Variants in RAPGEF4 observed in about 807,000 individuals in gnomAD.
The protein encoded by RAPGEF4 is RAP guanine-nucleotide-exchange factor (GEF) 4.
A neutral mutation model predicts 147.9 loss-of-function variants in RAPGEF4; 66 were observed. The observed-to-expected ratio is 0.45, with a 90% CI of 0.37 to 0.55. RAPGEF4 has a LOEUF of 0.55. Among genes scored for constraint, RAPGEF4 ranks in the 20% least tolerant of loss-of-function variants. The pLI is 0.00. For synonymous variants in RAPGEF4, 419 were observed against 442.7 expected (o/e 0.95, Z 0.67); for missense variants, 1,071 against 1,257.3 (o/e 0.85, Z 2.24).
intron 3 of RAPGEF4, among the ~76,000 whole-genome samples, chr2:172,804,730 G>A (rs890312921): frequency 2.6e-5 from 4 of 152,154 alleles, no homozygotes; most frequent in African/African-American, 9.7e-5. Context: ...GGTGGAGAGG[G>A]GTGATGGGGA....
chr2:172,913,349 G>A (rs1683665693), intron 4 of RAPGEF4, among the ~76,000 whole-genome samples: 1 of 152,204 alleles, frequency 6.6e-6, no homozygotes, highest in African/African-American at 2.4e-5. Context: ...AACAAACCAT[G>A]CCAAACTTAA....
chr2:172,772,782 T>C (rs1683757567), intron 1 of RAPGEF4, among the ~76,000 whole-genome samples: 1 of 152,262 alleles, frequency 6.6e-6, no homozygotes, highest in South Asian at 2.1e-4. Flanking sequence ...GTGGTTGCTG[T>C]GCTAAGGCTG....
At chr2:172,906,454 T>A (rs980035951) in intron 4 of RAPGEF4, among the ~76,000 whole-genome samples, 20 of 152,222 alleles carry the variant, frequency 1.3e-4, no homozygotes, top group African/African-American at 4.6e-4. Flanking sequence ...TTCCTGTTTT[T>A]AATGCTTTTC....
At chr2:172,804,413 G>C (rs1687278204) in intron 3 of RAPGEF4, among the ~76,000 whole-genome samples, 1 of 152,198 alleles carries the variant, frequency 6.6e-6, no homozygotes, top group African/African-American at 2.4e-5. Flanking sequence ...TATACCCAGA[G>C]CATGTAGTAG....
chr2:172,798,823 C>T (rs1209287132), intron 3 of RAPGEF4, among the ~76,000 whole-genome samples: 2 of 152,196 alleles, frequency 1.3e-5, no homozygotes, highest in African/African-American at 2.4e-5. Context: ...ATGTAGTTTC[C>T]TGGGTGATAC....
chr2:172,869,652 A>AATATTGCTG (rs1239824084), intron 4 of RAPGEF4, among the ~76,000 whole-genome samples: 3 of 152,168 alleles, frequency 2.0e-5, no homozygotes, highest in Non-Finnish European at 4.4e-5. Flanking sequence ...ACAACCATAC[A>AATATTGCTG]ATATTGCTGA....
chr2:173,037,148 C>T lies in RAPGEF4; in HGVS notation c.2853+456C>T, dbSNP rs563515943. ...GTGTACTGCTTACCCCAATAAAGTTCGCTCAAGTTCAGAGAAGGAACATGA... is the reference window on the plus strand; with the variant it reads ...GTGTACTGCTTACCCCAATAAAGTTTGCTCAAGTTCAGAGAAGGAACATGA... On this transcript the variant is annotated intron_variant, in intron 29 of 30. Coordinates refer to ENST00000397081, the MANE Select transcript of RAPGEF4 (RefSeq NM_007023.4). 3.5e-4 allele frequency among the ~76,000 whole-genome samples: 54 copies of T among 152,272 alleles called. 1 individual carries two copies. The highest frequency in any genetic ancestry group is 6.2e-4 in the South Asian group (3 of 4,812).
chr2:173,036,389 A>G (rs1684012245), intron 28 of RAPGEF4, among the ~76,000 whole-genome samples, 177 bp downstream of exon 28: 1 of 152,224 alleles, frequency 6.6e-6, no homozygotes, highest in South Asian at 2.1e-4. Flanking sequence ...TGACTGGAGG[A>G]GCAGAGATCC....
intron 1 of RAPGEF4, among the ~76,000 whole-genome samples, chr2:172,751,079 T>C (rs1695245145): frequency 1.3e-5 from 2 of 152,228 alleles, no homozygotes; most frequent in South Asian, 4.1e-4. Context: ...AAAAGTTCCA[T>C]ATTCAGTGTC....
intron 27 of RAPGEF4, among the ~76,000 whole-genome samples, chr2:173,035,216 A>C (rs1161893725): frequency 6.6e-6 from 1 of 151,798 alleles, no homozygotes; most frequent in Non-Finnish European, 1.5e-5. Flanking sequence ...TTTTTAAAAA[A>C]CAGGGGTCTC....
intron 10 of RAPGEF4, among the ~76,000 whole-genome samples, chr2:172,968,662 T>C (rs986912303): frequency 2.6e-5 from 4 of 152,138 alleles, no homozygotes; most frequent in African/African-American, 9.7e-5. Context: ...TTTCTTCACA[T>C]AAAAAGATGA....
chr2:172,852,614 T>C (rs376207572), intron 4 of RAPGEF4, among the ~76,000 whole-genome samples: 1 of 152,116 alleles, frequency 6.6e-6, no homozygotes, highest in Non-Finnish European at 1.5e-5. Flanking sequence ...TTTCTAATCT[T>C]TATGCCTCTG....
intron 19 of RAPGEF4, 22 bp downstream of exon 19, chr2:173,016,459 G>T (rs772638874): frequency 1.3e-6 from 2 of 1,568,254 alleles, no homozygotes; most frequent in East Asian, 2.2e-5. Context: ...CTTGACTGTG[G>T]GGGTGTGCTT....
rs908385993 is a variant in RAPGEF4, at chr2:172,948,073, C to T, written c.538-12687C>T. On this transcript the variant is annotated intron_variant, in intron 6 of 30. Transcript: ENST00000397081. ...TATCCAGCTTCTCTCATTCAGCATT[C>T]GGTTTGTGAGATTTATCCACATTGT... Among the ~76,000 whole-genome samples, 4 of 152,238 alleles carry T rather than the reference C, an allele frequency of 2.6e-5. 1 individual carries two copies. The highest frequency in any genetic ancestry group is 4.1e-4 in the South Asian group (2 of 4,824).
At chr2:172,818,115 C>G (rs1688692907) in intron 4 of RAPGEF4, among the ~76,000 whole-genome samples, 1 of 151,528 alleles carries the variant, frequency 6.6e-6, no homozygotes, top group Non-Finnish European at 1.5e-5. Flanking sequence ...TGTTCTCACT[C>G]ATACGTGCGA....
chr2:173,026,620 T>A lies in RAPGEF4; in HGVS notation c.2302T>A (p.Phe768Ile). The A allele has an allele frequency of 6.2e-7, 1 of 1,613,970 alleles. No individual in the cohort carries two copies. The change falls in exon 24 of 31, where the codon TTT becomes ATT. Residue 768 changes from phenylalanine (F) to isoleucine (I), a missense_variant. Physicochemically the swap from Phe to Ile is conservative, Grantham distance 21. Transcript: ENST00000397081. ...CCCAACTGTTGGAACAGTGGGAACTTTTGAACTGATGAGCTCCAAAGATTT... is the reference window on the plus strand; with the variant it reads ...CCCAACTGTTGGAACAGTGGGAACTATTGAACTGATGAGCTCCAAAGATTT... ...EGPTVGTVGT[F>I]ELMSSKDLAY...
chr2:172,919,169 T>G (rs1684433128), intron 5 of RAPGEF4, among the ~76,000 whole-genome samples: 2 of 152,166 alleles, frequency 1.3e-5, no homozygotes, highest in African/African-American at 4.8e-5. Flanking sequence ...GTCTTCTAGC[T>G]GACATCTGGC....
chr2:172,830,975 A>C (rs1690241795), intron 4 of RAPGEF4, among the ~76,000 whole-genome samples: 1 of 152,174 alleles, frequency 6.6e-6, no homozygotes, highest in African/African-American at 2.4e-5. Context: ...TTTATGAAGA[A>C]TATTCTCTTT....
intron 29 of RAPGEF4, among the ~76,000 whole-genome samples, chr2:173,039,228 C>T (rs377494006): frequency 1.5e-4 from 23 of 151,354 alleles, no homozygotes; most frequent in African/African-American, 4.9e-4. Context: ...GAGGCCGAGG[C>T]GGGTGGATCA....
Sources: allele counts gnomAD v4.1 joint callset (sites outside exome capture counted in the v4.1 genomes callset), GRCh38; gene constraint gnomAD v4.1.1; transcripts MANE v1.5; gene names NCBI Gene and HGNC (gene_info 2026-07-23, HGNC 2026-07-21).